Variants in KLHL20 observed in about 807,000 individuals in gnomAD.
KLHL20 encodes the protein kelch like family member 20.
In KLHL20, 29 loss-of-function variants were observed where a neutral mutation model predicts 69.5. That is an observed-to-expected ratio of 0.42 (90% CI 0.31 to 0.57). KLHL20 has a LOEUF of 0.57. Among genes scored for constraint, KLHL20 ranks in the 20% least tolerant of loss-of-function variants. The pLI, the probability that KLHL20 is intolerant of heterozygous loss-of-function variation, is 0.18. For synonymous variants in KLHL20, 253 were observed against 265.2 expected, an observed-to-expected ratio of 0.95 and a Z score of 0.45; for missense variants, 419 against 776.0, an observed-to-expected ratio of 0.54 and a Z score of 5.47.
intron 7 of KLHL20, among the ~76,000 whole-genome samples, chr1:173,758,906 A>G (rs751004924): frequency 2.3e-4 from 35 of 152,220 alleles, no homozygotes; most frequent in Non-Finnish European, 4.4e-4. Context: ...CAAATCCTGC[A>G]TGCAGACTTC....
At chr1:173,743,266 TATTC>T (rs1672909389) in intron 3 of KLHL20, among the ~76,000 whole-genome samples, 1 of 151,972 alleles carries the variant, frequency 6.6e-6, no homozygotes, top group Admixed American at 6.5e-5. Context: ...ATTTGAAAAA[TATTC>T]AAATTTATAG....
rs568394579 is a variant in KLHL20 at position 173,730,091 on chromosome 1, C to G, written c.24-3622C>G. ...ACACCAATAACAGACAAACAGAGAG[C>G]CAAATCATGAGTGAACTCCCATTCA... On this transcript the variant is annotated intron_variant, in intron 2 of 11. Transcript: ENST00000209884. Among the ~76,000 whole-genome samples the G allele has an allele frequency of 6.6e-5, 10 of 152,174 alleles. No individual in the cohort carries two copies. The South Asian group carries it at 8.3e-4, about 13-fold the overall frequency.
In KLHL20 at chr1:173,733,729, C is replaced by G; in HGVS notation, c.40C>G (p.Pro14Ala). The change falls in exon 3 of 12, where the codon CCA becomes GCA. Residue 14 changes from proline (P) to alanine (A), a missense_variant. By Grantham distance (27) the Pro-to-Ala change is conservative. Around this residue, in one of 6 missense-constraint regions of KLHL20, gnomAD observed 129 missense variants for 183.6 expected, o/e 0.70. Transcript: ENST00000209884. ...TTCCTATAGGTGTACCAACATTCGA[C>G]CAGGAGAGACTGGAATGGATGTAAC... ...KPMRRCTNIR[P>A]GETGMDVTSR... is the part of the protein sequence containing the mutation. The G allele has an allele frequency of 6.2e-7, 1 of 1,613,282 alleles. No homozygotes were observed. Among genetic ancestry groups the G allele is most frequent in the East Asian group, 2.2e-5 (1 of 44,876 alleles).
chr1:173,730,677 C>A (rs2102467098), intron 2 of KLHL20, among the ~76,000 whole-genome samples: 1 of 152,264 alleles, frequency 6.6e-6, no homozygotes, highest in Middle Eastern at 3.4e-3. Context: ...ATGTAGAAAC[C>A]TGAAACTGGA....
chr1:173,768,639 C>A (rs553504451), intron 8 of KLHL20, among the ~76,000 whole-genome samples: 3 of 152,080 alleles, frequency 2.0e-5, no homozygotes, highest in Admixed American at 2.0e-4. Flanking sequence ...GATAGCAAAG[C>A]TAAAAACCTA....
At chr1:173,752,814 G>A (rs1470491457) in intron 4 of KLHL20, among the ~76,000 whole-genome samples, 1 of 152,172 alleles carries the variant, frequency 6.6e-6, no homozygotes, top group Non-Finnish European at 1.5e-5. Flanking sequence ...TGGAAGCACA[G>A]TAGGGTACCA....
chr1:173,772,518 A>T (rs1374293721), intron 8 of KLHL20, among the ~76,000 whole-genome samples: 1 of 152,238 alleles, frequency 6.6e-6, no homozygotes, highest in Non-Finnish European at 1.5e-5. Context: ...TGAAGTGAAC[A>T]TATATCCTGC....
chr1:173,783,866 C>CAAA (rs112477998), intron 11 of KLHL20, among the ~76,000 whole-genome samples: 1 of 127,244 alleles, frequency 7.9e-6, no homozygotes, highest in Non-Finnish European at 1.7e-5. Flanking sequence ...GACTCCGTCT[C>CAAA]AAAAAAAAAA....
intron 8 of KLHL20, among the ~76,000 whole-genome samples, chr1:173,768,464 A>G (rs1330335311): frequency 6.6e-6 from 1 of 152,212 alleles, no homozygotes; most frequent in Non-Finnish European, 1.5e-5. Context: ...TTGTAAGTAG[A>G]GATAAAATAG....
At chr1:173,759,499 G>C (rs1673697494) in intron 7 of KLHL20, among the ~76,000 whole-genome samples, 1 of 152,122 alleles carries the variant, frequency 6.6e-6, no homozygotes, top group Non-Finnish European at 1.5e-5. Context: ...CACCAGAACA[G>C]GTGCTGGTAT....
chr1:173,715,205 C>G (rs993843803), intron 1 of KLHL20, 127 bp downstream of exon 1: 1 of 152,320 alleles, frequency 6.6e-6, no homozygotes. Flanking sequence ...CAGTCGGCGC[C>G]GAGAAGAGAC....
At chr1:173,757,840 C>T (rs60228238) in intron 7 of KLHL20, among the ~76,000 whole-genome samples, 3,849 of 152,172 alleles carry the variant, frequency 0.025, 174 homozygotes, top group African/African-American at 0.089. Context: ...TTGTACTATA[C>T]GTGTTGAAAT....
At chr1:173,717,012 C>A (rs1363894604) in intron 2 of KLHL20, among the ~76,000 whole-genome samples, 1 of 152,044 alleles carries the variant, frequency 6.6e-6, no homozygotes, top group Non-Finnish European at 1.5e-5. Flanking sequence ...TTTAAGATCT[C>A]CAGATGAAAA....
intron 11 of KLHL20, among the ~76,000 whole-genome samples, chr1:173,783,408 T>C (rs1648992995): frequency 6.6e-6 from 1 of 152,206 alleles, no homozygotes; most frequent in African/African-American, 2.4e-5. Flanking sequence ...ATAGTCTATC[T>C]CTAGGAAAGC....
intron 7 of KLHL20, among the ~76,000 whole-genome samples, chr1:173,764,524 C>T (rs1443151135): frequency 2.6e-5 from 4 of 152,154 alleles, no homozygotes; most frequent in East Asian, 1.9e-4. Flanking sequence ...TGTATATAGA[C>T]GATGGAATAC....
chr1:173,722,202 C>T (rs1002709557), intron 2 of KLHL20, among the ~76,000 whole-genome samples: 1 of 152,160 alleles, frequency 6.6e-6, no homozygotes, highest in Admixed American at 6.5e-5. Context: ...CCTCCTGCCT[C>T]AACCTGCCAA....
chr1:173,729,192 A>G (rs1297526970), intron 2 of KLHL20, among the ~76,000 whole-genome samples: 1 of 152,342 alleles, frequency 6.6e-6, no homozygotes, highest in Admixed American at 6.5e-5. Context: ...GAATCTCTGA[A>G]TAGACCAATA....
Position 173,775,813 on chromosome 1 carries a change from G to C in KLHL20, c.1609G>C (p.Val537Leu), listed in dbSNP as rs781046375. The C allele has an allele frequency of 5.0e-6, 8 of 1,614,200 alleles. No homozygotes were observed. The highest frequency in any genetic ancestry group is 6.8e-6 in the Non-Finnish European group (8 of 1,180,008). The change falls in exon 10 of 12, where the codon GTG becomes CTG. Residue 537 changes from valine (V) to leucine (L), a missense_variant. Physicochemically the swap from Val to Leu is conservative, Grantham distance 32. This residue lies in a region of KLHL20 where 79 missense variants were observed against 154.4 expected (regional missense o/e 0.51). Coordinates refer to ENST00000209884, the MANE Select transcript of KLHL20 (RefSeq NM_014458.4). Reference sequence around the variant, plus strand: ...CCCCAGAACCAACCAGTGGTCTCCAGTGGTGGCCATGACATCACGCCGTAG... The same window carrying C: ...CCCCAGAACCAACCAGTGGTCTCCACTGGTGGCCATGACATCACGCCGTAG... The part of the protein sequence containing the change: ...YNPRTNQWSP[V>L]VAMTSRRSGV...
At chr1:173,761,300 A>C (rs558742831) in intron 7 of KLHL20, among the ~76,000 whole-genome samples, 16 of 152,328 alleles carry the variant, frequency 1.1e-4, no homozygotes, top group African/African-American at 3.6e-4. Flanking sequence ...AGACTTCAAT[A>C]TTCCACTGAC....
Sources: gnomAD v4.1 joint callset for allele counts (sites outside exome capture counted in the v4.1 genomes callset) on GRCh38, gnomAD v4.1.1 for gene constraint, gnomAD v4.1.1 regional missense constraint, MANE v1.5 for transcripts, NCBI Gene and HGNC (gene_info 2026-07-23, HGNC 2026-07-21) for gene names.